MAGI2: variants seen among roughly 807,000 people sequenced by gnomAD.
MAGI2 encodes membrane associated guanylate kinase, WW and PDZ domain containing 2.
In MAGI2, 35 loss-of-function variants were observed where a neutral mutation model predicts 133.3. That is an observed-to-expected ratio of 0.26 (90% CI 0.20 to 0.35). The LOEUF (loss-of-function observed/expected upper bound fraction) is 0.35. Among genes scored for constraint, MAGI2 ranks in the 10% least tolerant of loss-of-function variants. The pLI is 1.00. For synonymous variants in MAGI2, 729 were observed against 710.6 expected, an observed-to-expected ratio of 1.03 and a Z score of -0.41; for missense variants, 1,636 against 1,863.4, an observed-to-expected ratio of 0.88 and a Z score of 2.25.
chr7:78,362,787 G>A (rs1792957594), intron 7 of MAGI2, among the ~76,000 whole-genome samples: 1 of 152,118 alleles, frequency 6.6e-6, no homozygotes, highest in Admixed American at 6.5e-5. Flanking sequence ...GTTGAATAGA[G>A]GAAAATATGT....
intron 2 of MAGI2, among the ~76,000 whole-genome samples, chr7:78,857,493 T>C (rs1793758333): frequency 6.6e-6 from 1 of 152,240 alleles, no homozygotes; most frequent in Non-Finnish European, 1.5e-5. Context: ...AGGCCTTTTC[T>C]GCATCTATTG....
intron 6 of MAGI2, among the ~76,000 whole-genome samples, chr7:78,453,770 T>G (rs1788990414): frequency 1.3e-5 from 2 of 152,182 alleles, no homozygotes; most frequent in Non-Finnish European, 2.9e-5. Flanking sequence ...CCATTTTATA[T>G]TTGAGACCAG....
At chr7:78,463,678 G>C (rs898070713) in intron 6 of MAGI2, among the ~76,000 whole-genome samples, 6 of 152,170 alleles carry the variant, frequency 3.9e-5, no homozygotes, top group African/African-American at 1.4e-4. Context: ...GTTTGATATG[G>C]AGAAAGTGAT....
In MAGI2 at chr7:78,405,949, G is replaced by A. The variant is rs77746796; in HGVS notation, c.1046-36736C>T. On this transcript the variant is annotated intron_variant, in intron 6 of 21. Coordinates refer to ENST00000354212, the MANE Select transcript of MAGI2 (RefSeq NM_012301.4). ...ATTACTATAAAATGCAGAGAAATGGGGAGCTGGTGAATAATTTCATAAAAC... is the reference window on the plus strand; with the variant it reads ...ATTACTATAAAATGCAGAGAAATGGAGAGCTGGTGAATAATTTCATAAAAC... 2.0e-4 allele frequency among the ~76,000 whole-genome samples: 30 copies of A among 152,006 alleles called. No homozygotes were observed. The East Asian group carries it at 5.8e-3, about 29-fold the overall frequency.
rs562322423 is a variant in MAGI2, at chr7:79,004,934, T to A, written c.418+2156A>T. 7.3e-5 allele frequency among the ~76,000 whole-genome samples: 11 copies of A among 151,598 alleles called. No individual in the cohort carries two copies. In the South Asian group the frequency reaches 2.3e-3, roughly 32 times the overall value. On this transcript the variant is annotated intron_variant, in intron 2 of 21. Coordinates refer to ENST00000354212, the MANE Select transcript of MAGI2 (RefSeq NM_012301.4). ...CCCGTCTCTACTAAAAATACAAAAT[T>A]AGCCGGGCATGGTGGCACATGCCTG...
Position 78,604,589 on chromosome 7 carries a change from T to C in MAGI2, c.538+22531A>G, listed in dbSNP as rs1379324719. On this transcript the variant is annotated intron_variant, in intron 3 of 21. Coordinates refer to ENST00000354212, the MANE Select transcript of MAGI2 (RefSeq NM_012301.4). ...ACTGGAGAAATAGCAGTGAACAAAA[T>C]AGACATAAATCCCTTATCAAGCTTA... Among the ~76,000 whole-genome samples the C allele has an allele frequency of 4.6e-5, 7 of 152,106 alleles. No individual in the cohort carries two copies. The South Asian group carries it at 1.0e-3, about 23-fold the overall frequency.
At chr7:79,115,229 A>G (rs1819288183) in intron 1 of MAGI2, among the ~76,000 whole-genome samples, 1 of 152,216 alleles carries the variant, frequency 6.6e-6, no homozygotes, top group South Asian at 2.1e-4. Flanking sequence ...TCACAGATAG[A>G]TGCTTTGGGA....
intron 1 of MAGI2, among the ~76,000 whole-genome samples, chr7:79,260,166 C>A (rs1585355477): frequency 2.6e-5 from 4 of 152,224 alleles, no homozygotes; most frequent in South Asian, 2.1e-4. Context: ...CCAGCCTGGG[C>A]AATATGGCAA....
Position 78,232,327 on chromosome 7 carries a change from T to C in MAGI2, c.2047+23616A>G, listed in dbSNP as rs118095286. 6.9e-3 allele frequency among the ~76,000 whole-genome samples: 1,056 copies of C among 152,298 alleles called. 34 individuals carry two copies. Among genetic ancestry groups the C allele is most frequent in the East Asian group, 0.058 (303 of 5,182 alleles). Reference sequence around the variant, plus strand: ...AGTCATATATGACTGTTGCTGGGTTTATAACAATTTTTAAAGCTGTAGTAT... The same window carrying C: ...AGTCATATATGACTGTTGCTGGGTTCATAACAATTTTTAAAGCTGTAGTAT... On this transcript the variant is annotated intron_variant, in intron 10 of 21. Transcript: ENST00000354212.
chr7:79,057,122 TCTGCCA>T (rs1813218339), intron 1 of MAGI2, among the ~76,000 whole-genome samples: 1 of 152,340 alleles, frequency 6.6e-6, no homozygotes, highest in Admixed American at 6.5e-5. Context: ...CTTGTAAATA[TCTGCCA>T]CTTGACATTA....
At chr7:78,517,987 T>C (rs1280599343) in intron 4 of MAGI2, 6 of 150,048 alleles carry the variant, frequency 4.0e-5, no homozygotes, top group African/African-American at 7.6e-5. Flanking sequence ...TAATCTCTAG[T>C]TCAAAGGAGA....
intron 2 of MAGI2, among the ~76,000 whole-genome samples, chr7:78,702,700 G>T (rs186929731): frequency 6.6e-6 from 1 of 151,992 alleles, no homozygotes; most frequent in Admixed American, 6.6e-5. Context: ...CATGTGGGGT[G>T]ATTAGATTTG....
At chr7:79,012,593 T>C (rs12536821) in intron 1 of MAGI2, among the ~76,000 whole-genome samples, 88,874 of 152,050 alleles carry the variant, frequency 0.58, 26,353 homozygotes, top group East Asian at 0.63. Flanking sequence ...CCATGAAACG[T>C]ATGCTAAATA....
intron 2 of MAGI2, among the ~76,000 whole-genome samples, chr7:78,686,822 C>T (rs748273488): frequency 2.6e-5 from 4 of 152,146 alleles, no homozygotes; most frequent in Non-Finnish European, 5.9e-5. Context: ...AAAGCAAGCG[C>T]ATACTAACTC....
chr7:79,015,996 A>AG (rs1267901500), intron 1 of MAGI2, among the ~76,000 whole-genome samples: 4 of 32,260 alleles, frequency 1.2e-4, no homozygotes, highest in Admixed American at 8.3e-4. Context: ...CTCCTGGAGA[A>AG]GCGGGGGGGG....
chr7:78,547,356 AG>A (rs1190508401), intron 3 of MAGI2, among the ~76,000 whole-genome samples: 2 of 152,262 alleles, frequency 1.3e-5, no homozygotes, highest in African/African-American at 4.8e-5. Context: ...AACTGTAAAA[AG>A]GACCTCCTAT....
At chr7:78,430,999 A>G (rs1799738260) in intron 6 of MAGI2, among the ~76,000 whole-genome samples, 1 of 151,660 alleles carries the variant, frequency 6.6e-6, no homozygotes, top group Non-Finnish European at 1.5e-5. Context: ...TATTTAATTC[A>G]TTTCCCAGAG....
chr7:78,506,685 A>C (rs1293749305), intron 4 of MAGI2, among the ~76,000 whole-genome samples: 1 of 152,258 alleles, frequency 6.6e-6, no homozygotes, highest in Non-Finnish European at 1.5e-5. Context: ...ACAAGGACAT[A>C]AAATCTGTAG....
intron 9 of MAGI2, among the ~76,000 whole-genome samples, chr7:78,303,702 C>G (rs983803587): frequency 6.6e-6 from 1 of 152,122 alleles, no homozygotes; most frequent in Non-Finnish European, 1.5e-5. Flanking sequence ...TATATAAGTG[C>G]TTGGTAAATG....
Sources: allele counts gnomAD v4.1 joint callset (sites outside exome capture counted in the v4.1 genomes callset), GRCh38; gene constraint gnomAD v4.1.1; transcripts MANE v1.5; gene names NCBI Gene and HGNC (gene_info 2026-07-23, HGNC 2026-07-21).